SLC7A9: variants seen among roughly 807,000 people sequenced by gnomAD.
SLC7A9 encodes B(0,+)-type amino acid transporter 1.
Under a neutral mutation model 54.1 loss-of-function variants are expected in SLC7A9, and 38 were observed. The observed-to-expected ratio is 0.70, with a 90% CI of 0.54 to 0.92. The LOEUF (loss-of-function observed/expected upper bound fraction) is 0.92. SLC7A9 is among the 40% of genes least tolerant of loss of function. The pLI is 0.00. For synonymous variants in SLC7A9, 264 were observed against 258.9 expected, an observed-to-expected ratio of 1.02 and a Z score of -0.19; for missense variants, 537 against 636.1, an observed-to-expected ratio of 0.84 and a Z score of 1.68.
chr19:32,862,043 C>T, intron 6 of SLC7A9, 75 bp downstream of exon 6: 1 of 922,746 alleles, frequency 1.1e-6, no homozygotes. Flanking sequence ...TCATTGTTTT[C>T]CATGACAGGT....
intron 8 of SLC7A9, 59 bp from the exon 9 acceptor site, chr19:32,858,602 C>G: frequency 7.2e-7 from 1 of 1,381,144 alleles, no homozygotes; most frequent in South Asian, 1.2e-5. Context: ...GAGCGGCCGG[C>G]CCCCAAAAGC....
At chr19:32,858,394 T>C (rs1289557138) in intron 9 of SLC7A9, 46 bp downstream of exon 9, 2 of 1,380,664 alleles carry the variant, frequency 1.4e-6, no homozygotes, top group Non-Finnish European at 2.1e-6. Flanking sequence ...TGATATTGCT[T>C]TCGCCGCCCC....
chr19:32,862,320 A>G, intron 5 of SLC7A9, 103 bp from the exon 6 acceptor site: 1 of 1,441,144 alleles, frequency 6.9e-7, no homozygotes, highest in Middle Eastern at 1.8e-4. Flanking sequence ...CTTAATAAAC[A>G]CGCCCTGAAA....
chr19:32,863,516 T>C (rs1968868351), intron 4 of SLC7A9, among the ~76,000 whole-genome samples: 1 of 152,004 alleles, frequency 6.6e-6, no homozygotes. Context: ...CATGCCACCA[T>C]ACCCGGCTAA....
At chr19:32,853,325 CT>C (rs1304427750) in intron 9 of SLC7A9, among the ~76,000 whole-genome samples, 5 of 152,114 alleles carry the variant, frequency 3.3e-5, no homozygotes, top group African/African-American at 1.2e-4. Flanking sequence ...AATGAGGAAA[CT>C]TTTTGGGGTG....
Position 32,868,505 on chromosome 19 carries a change from T to G in SLC7A9, c.30A>C (p.Arg10Ser). 6.2e-7 allele frequency: 1 copy of G among 1,614,098 alleles called. No homozygotes were observed. Among genetic ancestry groups the G allele is most frequent in the Non-Finnish European group, 8.5e-7 (1 of 1,180,002 alleles). The change falls in exon 2 of 13, where the codon AGA becomes AGC. Residue 10 changes from arginine to serine, a missense_variant. Arg to Ser is a moderately radical substitution (Grantham distance 110, BLOSUM62 -1). Transcript: ENST00000023064. MGDTGLRKR[R>S]EDEKSIQSQE... ...GGCTCTGGATCGACTTCTCATCCTC[T>G]CTCCGCTTTCTCAGGCCAGTATCCC... is the stretch of plus-strand genomic sequence containing the variant.
At chr19:32,832,634 A>G in intron 12 of SLC7A9, 1 of 163,658 alleles carries the variant, frequency 6.1e-6, no homozygotes, top group Non-Finnish European at 1.3e-5. Context: ...AAAAACGGCC[A>G]GGTACGGTGG....
intron 11 of SLC7A9, among the ~76,000 whole-genome samples, chr19:32,836,273 T>C (rs529690621): frequency 6.6e-6 from 1 of 152,262 alleles, no homozygotes; most frequent in South Asian, 2.1e-4. Flanking sequence ...GGTCTTGAAC[T>C]CCTGACCTCA....
chr19:32,868,619 A>G lies in SLC7A9; in HGVS notation c.-85T>C. 8.6e-7 allele frequency: 1 copy of G among 1,158,724 alleles called. No individual in the cohort carries two copies. The highest frequency in any genetic ancestry group is 2.3e-5 in the East Asian group (1 of 42,644). 71.8% of individuals were successfully genotyped at this position (1,158,724 alleles called of 1,614,324 possible). ...GCAGCAGCAGACAAGACGCAAGTGC[A>G]AGCTCGGCCTGGACTAGGGGAGCTG... On this transcript the variant is annotated 5_prime_UTR_variant, in exon 2 of 13. Transcript: ENST00000023064.
intron 11 of SLC7A9, among the ~76,000 whole-genome samples, chr19:32,836,211 C>A (rs977442908): frequency 6.6e-6 from 1 of 152,014 alleles, no homozygotes; most frequent in Admixed American, 6.6e-5. Flanking sequence ...CCACACCCGG[C>A]CTAATTTTTG....
At chr19:32,840,046 C>T (rs907299099) in intron 11 of SLC7A9, among the ~76,000 whole-genome samples, 1 of 152,124 alleles carries the variant, frequency 6.6e-6, no homozygotes, top group African/African-American at 2.4e-5. Context: ...AGATTCCCCA[C>T]CTTCCCCACC....
chr19:32,847,794 G>A (rs1442471865), intron 9 of SLC7A9, among the ~76,000 whole-genome samples: 5 of 152,180 alleles, frequency 3.3e-5, no homozygotes, highest in Admixed American at 1.3e-4. Flanking sequence ...GAGAAAGGCT[G>A]GGTTACCCAC....
intron 8 of SLC7A9, among the ~76,000 whole-genome samples, chr19:32,858,881 C>G (rs112524739): frequency 1.3e-5 from 2 of 148,804 alleles, no homozygotes; most frequent in Non-Finnish European, 1.5e-5. Flanking sequence ...CTCTGCCTCC[C>G]AGGGTCAAGC....
intron 7 of SLC7A9, 78 bp downstream of exon 7, chr19:32,860,528 G>A: frequency 3.7e-6 from 6 of 1,612,054 alleles, no homozygotes; most frequent in Non-Finnish European, 4.2e-6. Context: ...AATACCCAGG[G>A]AAATAGCTCC....
intron 8 of SLC7A9, among the ~76,000 whole-genome samples, chr19:32,858,899 G>A (rs149439062): frequency 0.013 from 1,924 of 151,668 alleles, 41 homozygotes; most frequent in African/African-American, 0.044. Flanking sequence ...AGCGATGCTC[G>A]TGCCTCAGCC....
chr19:32,859,219 T>C (rs774873002), intron 8 of SLC7A9, among the ~76,000 whole-genome samples: 3 of 152,082 alleles, frequency 2.0e-5, no homozygotes, highest in Non-Finnish European at 4.4e-5. Context: ...TGCCTCAGTC[T>C]TCTAAGTAGC....
chr19:32,843,948 G>C lies in SLC7A9; in HGVS notation c.981C>G (p.Leu327=). ...ANGTCFTAGR[L]IYVAGREGHM... ...GACCCTCCCGGCCCGCCACGTAAAT[G>C]AGTCTGGAAAATAACGACACGGGAG... Residue 327 remains leucine (L), a synonymous_variant, in exon 10 of 13, where the codon CTC becomes CTG. Coordinates refer to ENST00000023064, the MANE Select transcript of SLC7A9 (RefSeq NM_014270.5). 1.2e-6 allele frequency: 2 copies of C among 1,612,614 alleles called. No individual in the cohort carries two copies. Among genetic ancestry groups the C allele is most frequent in the Non-Finnish European group, 1.7e-6 (2 of 1,179,106 alleles).
intron 12 of SLC7A9, among the ~76,000 whole-genome samples, chr19:32,832,025 C>T (rs1456353002): frequency 6.6e-6 from 1 of 152,148 alleles, no homozygotes; most frequent in Non-Finnish European, 1.5e-5. Context: ...CCTGTAATCC[C>T]TACATTTCGG....
intron 11 of SLC7A9, among the ~76,000 whole-genome samples, chr19:32,834,158 C>T (rs1967888255): frequency 6.6e-6 from 1 of 152,180 alleles, no homozygotes; most frequent in African/African-American, 2.4e-5. Context: ...AGGAACCCCT[C>T]ACACTGTCCT....
Sources: allele counts gnomAD v4.1 joint callset (sites outside exome capture counted in the v4.1 genomes callset), GRCh38; gene constraint gnomAD v4.1.1; transcripts MANE v1.5; gene names NCBI Gene and HGNC (gene_info 2026-07-23, HGNC 2026-07-21).